GRAMD1C: variants seen among roughly 807,000 people sequenced by gnomAD.
GRAMD1C encodes the protein protein Aster-C.
GRAMD1C carries 89 observed loss-of-function variants against 97.8 expected under a neutral mutation model. That is an observed-to-expected ratio of 0.91 (90% CI 0.77 to 1.09). The LOEUF is 1.09. Among genes scored for constraint, GRAMD1C ranks in the 50% least tolerant of loss-of-function variants. GRAMD1C has a pLI of 0.00. For missense variants in GRAMD1C, 740 were observed against 766.4 expected (o/e 0.97, Z 0.41); for synonymous variants, 256 against 267.0 (o/e 0.96, Z 0.40).
chr3:113,897,435 A>C (rs937208261), intron 6 of GRAMD1C: 2 of 539,070 alleles, frequency 3.7e-6, no homozygotes, highest in Non-Finnish European at 4.7e-6. Context: ...AAACCTGTTT[A>C]CCTATCTTCT....
chr3:113,872,892 T>C (rs1577148203), intron 3 of GRAMD1C, among the ~76,000 whole-genome samples: 2 of 136,820 alleles, frequency 1.5e-5, no homozygotes, highest in Admixed American at 1.5e-4. Context: ...GGCAACACAG[T>C]GAAACCCTGT....
intron 10 of GRAMD1C, among the ~76,000 whole-genome samples, chr3:113,917,763 G>C (rs912682500): frequency 6.6e-6 from 1 of 150,818 alleles, no homozygotes; most frequent in Non-Finnish European, 1.5e-5. Context: ...TGCAATCTCG[G>C]CTCACTGCAA....
At chr3:113,919,448 G>T in intron 10 of GRAMD1C, 1 of 515,178 alleles carries the variant, frequency 1.9e-6, no homozygotes, top group East Asian at 5.3e-5. Flanking sequence ...AGGTCAAATG[G>T]AACTTTACAA....
intron 7 of GRAMD1C, among the ~76,000 whole-genome samples, chr3:113,901,524 C>T (rs1936171863): frequency 6.6e-6 from 1 of 152,152 alleles, no homozygotes; most frequent in African/African-American, 2.4e-5. Context: ...AATTCCCTAA[C>T]ATAGTGCTTA....
At position 113,849,749 on chromosome 3, in the gene GRAMD1C, C is replaced by G. The variant is rs561168925; in HGVS notation, c.174+5100C>G. On this transcript the variant is annotated intron_variant, in intron 2 of 17. Coordinates refer to ENST00000358160, the MANE Select transcript of GRAMD1C (RefSeq NM_017577.5). Reference sequence around the variant, plus strand: ...CTCAATCTTTTCCCCACCTTTCCCCCCTTTCTATTCCACAAAACCGCCATT... The same window carrying G: ...CTCAATCTTTTCCCCACCTTTCCCCGCTTTCTATTCCACAAAACCGCCATT... 2.8e-4 allele frequency among the ~76,000 whole-genome samples: 43 copies of G among 152,340 alleles called. No individual in the cohort carries two copies. The South Asian group carries it at 7.0e-3, about 25-fold the overall frequency.
At chr3:113,867,356 G>T (rs1206437072) in intron 2 of GRAMD1C, among the ~76,000 whole-genome samples, 1 of 152,006 alleles carries the variant, frequency 6.6e-6, no homozygotes, top group African/African-American at 2.4e-5. Context: ...GCAGTGGTGC[G>T]ATCTGGGCTC....
chr3:113,923,763 C>G (rs1347858515), intron 10 of GRAMD1C, among the ~76,000 whole-genome samples: 1 of 152,042 alleles, frequency 6.6e-6, no homozygotes, highest in African/African-American at 2.4e-5. Flanking sequence ...GTTTTGGTAT[C>G]AGAATGATGC....
chr3:113,919,384 C>T (rs1046393307), intron 10 of GRAMD1C: 13 of 504,652 alleles, frequency 2.6e-5, no homozygotes, highest in South Asian at 1.9e-4. Context: ...TAAATGTAGC[C>T]TTTAAGCAAC....
intron 1 of GRAMD1C, among the ~76,000 whole-genome samples, chr3:113,841,285 C>CTTTTTTTTT (rs772233296): frequency 0.017 from 1,610 of 94,252 alleles, 162 homozygotes; most frequent in African/African-American, 0.039. Flanking sequence ...TTCTTTCTTT[C>CTTTTTTTTT]TTTTTTTTTT....
intron 2 of GRAMD1C, among the ~76,000 whole-genome samples, chr3:113,868,263 C>T (rs1934660007): frequency 6.6e-6 from 1 of 152,040 alleles, no homozygotes; most frequent in Non-Finnish European, 1.5e-5. Flanking sequence ...TCTTTGTCTG[C>T]AAAATTCAAT....
chr3:113,930,856 A>C lies in GRAMD1C; in HGVS notation c.1209+24A>C, dbSNP rs545108620. 323 of 1,214,104 alleles carry C rather than the reference A, an allele frequency of 2.7e-4. 5 individuals are homozygous for C. In the South Asian group the frequency reaches 3.7e-3, roughly 14 times the overall value. The allele number at this position is 1,214,104 out of a possible 1,614,324, so 75.2% of individuals were successfully genotyped here. A position where few individuals can be genotyped will look rare whatever the true frequency, so the allele number is the denominator to read the frequency against. On this transcript the variant is annotated intron_variant, in intron 11 of 17. Coordinates refer to ENST00000358160, the MANE Select transcript of GRAMD1C (RefSeq NM_017577.5). ...AGGTACGTCTGCTTTGTCAGTGTCC[A>C]GAAGAGTCATGTGTGGGGGAAGAGA...
At chr3:113,860,695 G>C (rs1934333763) in intron 2 of GRAMD1C, among the ~76,000 whole-genome samples, 1 of 152,136 alleles carries the variant, frequency 6.6e-6, no homozygotes, top group African/African-American at 2.4e-5. Context: ...GCTAGGTGCA[G>C]TGGCTCACAC....
chr3:113,872,873 A>T (rs1015322351), intron 3 of GRAMD1C, among the ~76,000 whole-genome samples: 1 of 145,230 alleles, frequency 6.9e-6, no homozygotes, highest in African/African-American at 2.5e-5. Flanking sequence ...GGAGTTCAAG[A>T]CCAGCCTGGG....
In GRAMD1C at chr3:113,860,286, C is replaced by T. The variant is rs541542230; in HGVS notation, c.175-9221C>T. 2.5e-4 allele frequency among the ~76,000 whole-genome samples: 38 copies of T among 152,240 alleles called. No individual in the cohort carries two copies. The South Asian group carries it at 7.3e-3, about 29-fold the overall frequency. On this transcript the variant is annotated intron_variant, in intron 2 of 17. Transcript: ENST00000358160. ...CCACCCGCCTTGGCCTCCCAAAGTG[C>T]TGGGATTACAGGTGTGAGCCACTGC...
At chr3:113,830,460 G>A (rs1414820368) in intron 1 of GRAMD1C, among the ~76,000 whole-genome samples, 1 of 152,056 alleles carries the variant, frequency 6.6e-6, no homozygotes, top group African/African-American at 2.4e-5. Flanking sequence ...TTTGTTAAAA[G>A]GGGAGTTCCA....
intron 2 of GRAMD1C, among the ~76,000 whole-genome samples, chr3:113,857,976 A>G (rs1239214182): frequency 1.3e-5 from 2 of 152,084 alleles, no homozygotes; most frequent in African/African-American, 4.8e-5. Context: ...TTTGTAATCT[A>G]TCTGGTTTAG....
At position 113,911,689 on chromosome 3, in the gene GRAMD1C, C is replaced by A. The variant is rs1332688959; in HGVS notation, c.952+2569C>A. ...TTCCTTTCTCTCTCTCTTTCTCTCT[C>A]TGTTTCTTTCCTTCCTTCCTTCCTT... On this transcript the variant is annotated intron_variant, in intron 9 of 17. Coordinates refer to ENST00000358160, the MANE Select transcript of GRAMD1C (RefSeq NM_017577.5). Among the ~76,000 whole-genome samples, 64 of 6,064 alleles carry A rather than the reference C, an allele frequency of 0.011. No homozygotes were observed. In the East Asian group the frequency reaches 0.31, roughly 30 times the overall value. The allele number at this position is 6,064 out of a possible 152,430, so 4.0% of individuals were successfully genotyped here.
chr3:113,911,930 T>C (rs189582065), intron 9 of GRAMD1C, among the ~76,000 whole-genome samples: 2 of 152,182 alleles, frequency 1.3e-5, no homozygotes, highest in Middle Eastern at 3.4e-3. Context: ...GGTTTCACCA[T>C]GTTAGCCAGG....
chr3:113,895,673 A>G (rs1577177258), intron 6 of GRAMD1C, among the ~76,000 whole-genome samples: 1 of 152,154 alleles, frequency 6.6e-6, no homozygotes, highest in Admixed American at 6.5e-5. Context: ...GCAGTATAGA[A>G]GTGTTTGTAT....
Sources: allele counts gnomAD v4.1 joint callset (sites outside exome capture counted in the v4.1 genomes callset), GRCh38; gene constraint gnomAD v4.1.1; transcripts MANE v1.5; gene names NCBI Gene and HGNC (gene_info 2026-07-23, HGNC 2026-07-21).